The following SPRED2 variants were observed in gnomAD, a reference collection of about 807,000 sequenced individuals.
SPRED2 encodes sprouty-related, EVH1 domain-containing protein 2.
SPRED2 carries 47 observed loss-of-function variants against 43.0 expected under a neutral mutation model. The ratio of observed to expected loss-of-function variants is 1.09; its 90% CI spans 0.87 to 1.40. SPRED2 has a LOEUF of 1.40. Among genes scored for constraint, SPRED2 ranks in the 40% most tolerant of loss-of-function variants. SPRED2 has a pLI of 0.00. For missense variants in SPRED2, 561 were observed against 586.4 expected (o/e 0.96, Z 0.45); for synonymous variants, 225 against 225.7 (o/e 1.00, Z 0.03).
chr2:65,394,011 T>C (rs1210946550), intron 1 of SPRED2, among the ~76,000 whole-genome samples: 1 of 152,120 alleles, frequency 6.6e-6, no homozygotes, highest in African/African-American at 2.4e-5. Flanking sequence ...CAAAAAATGT[T>C]ATGAGGAGTA....
Position 65,431,946 on chromosome 2 carries a change from C to A in SPRED2, c.26+16G>T, listed in dbSNP as rs1247670327. On this transcript the variant is annotated intron_variant, in intron 1 of 5. Coordinates refer to ENST00000356388, the MANE Select transcript of SPRED2 (RefSeq NM_181784.3). ...CCCTGAGGGGCACCCTCGTCCCACC[C>A]CGCGACCAAACTTACTCGTCTGGGT... 1 of 1,613,926 alleles carries A rather than the reference C, an allele frequency of 6.2e-7. No individual in the cohort carries two copies. The highest frequency in any genetic ancestry group is 1.7e-5 in the Admixed American group (1 of 60,028).
At chr2:65,370,336 A>G (rs889044463) in intron 1 of SPRED2, among the ~76,000 whole-genome samples, 1 of 152,204 alleles carries the variant, frequency 6.6e-6, no homozygotes, top group Non-Finnish European at 1.5e-5. Flanking sequence ...AACGACAATG[A>G]TTATTAGTAA....
chr2:65,355,804 A>G (rs1476061550), intron 1 of SPRED2, among the ~76,000 whole-genome samples: 1 of 152,210 alleles, frequency 6.6e-6, no homozygotes, highest in Non-Finnish European at 1.5e-5. Context: ...TCTTAAAGCA[A>G]ACAAAATAAC....
chr2:65,387,278 C>T (rs1016662989), intron 1 of SPRED2, among the ~76,000 whole-genome samples: 6 of 152,176 alleles, frequency 3.9e-5, no homozygotes, highest in South Asian at 2.1e-4. Flanking sequence ...TCTGTACTGC[C>T]GCTCTCGCAC....
chr2:65,392,646 G>T (rs1675665315), intron 1 of SPRED2, among the ~76,000 whole-genome samples: 1 of 152,114 alleles, frequency 6.6e-6, no homozygotes. Context: ...AAATCACAAA[G>T]CCCATGGTAC....
intron 1 of SPRED2, among the ~76,000 whole-genome samples, chr2:65,376,083 C>CT: frequency 1.3e-5 from 2 of 152,278 alleles, no homozygotes; most frequent in East Asian, 3.9e-4. Context: ...CTTGTGCTCC[C>CT]TATCCTCCCA....
chr2:65,426,899 T>C (rs1360852434), intron 1 of SPRED2, among the ~76,000 whole-genome samples: 1 of 152,160 alleles, frequency 6.6e-6, no homozygotes, highest in Admixed American at 6.5e-5. Context: ...TTGCTAATAT[T>C]CCCATGGAAA....
intron 1 of SPRED2, among the ~76,000 whole-genome samples, chr2:65,353,348 T>A (rs1432340646): frequency 6.6e-6 from 1 of 152,226 alleles, no homozygotes; most frequent in East Asian, 1.9e-4. Flanking sequence ...GCTACCTAGC[T>A]ACACTGAAGC....
downstream of SPRED2, among the ~76,000 whole-genome samples, chr2:65,307,723 C>T (rs1672969428): frequency 6.6e-6 from 1 of 152,228 alleles, no homozygotes; most frequent in Non-Finnish European, 1.5e-5. Flanking sequence ...GCTGCTCCAG[C>T]TGAGGAGATG....
rs1668916695 is a variant in SPRED2 at position 65,432,538 on chromosome 2, CAGG to C, written c.-554_-552del. On this transcript the variant is annotated 5_prime_UTR_variant, in exon 1 of 6. Coordinates refer to ENST00000356388, the MANE Select transcript of SPRED2 (RefSeq NM_181784.3). Reference sequence around the variant, plus strand: ...CATATTGGATTCTCACCGCCGCCAACAGGAGGAGGAAGTAGGGCGGAAGCGATG... The same window carrying C: ...CATATTGGATTCTCACCGCCGCCAACAGGAGGAAGTAGGGCGGAAGCGATG... The C allele has an allele frequency of 6.6e-6, 1 of 152,256 alleles. No individual in the cohort carries two copies. The highest frequency in any genetic ancestry group is 6.6e-5 in the Admixed American group (1 of 15,256). The allele number at this position is 152,256 out of a possible 1,614,324, so 9.4% of individuals were successfully genotyped here.
chr2:65,311,040 G>T lies in SPRED2; in HGVS notation c.*2461C>A, dbSNP rs1673054929. 1 of 985,222 alleles carries T rather than the reference G, an allele frequency of 1.0e-6. No homozygotes were observed. The highest frequency in any genetic ancestry group is 1.7e-5 in the African/African-American group (1 of 57,206). 61.0% of individuals were successfully genotyped at this position (985,222 alleles called of 1,614,324 possible). ...ATACAACAGGGTTTTTAGTATACAG[G>T]TAAAGAATGAATTATGCTTCAGGCA... On this transcript the variant is annotated 3_prime_UTR_variant, in exon 6 of 6. Coordinates refer to ENST00000356388, the MANE Select transcript of SPRED2 (RefSeq NM_181784.3).
At chr2:65,413,565 T>C (rs1676209684) in intron 1 of SPRED2, among the ~76,000 whole-genome samples, 1 of 152,162 alleles carries the variant, frequency 6.6e-6, no homozygotes, top group Non-Finnish European at 1.5e-5. Context: ...GGGCAGTGGT[T>C]CCACAGAAGA....
At chr2:65,396,437 T>G (rs1489160525) in intron 1 of SPRED2, among the ~76,000 whole-genome samples, 1 of 152,244 alleles carries the variant, frequency 6.6e-6, no homozygotes, top group Non-Finnish European at 1.5e-5. Context: ...TACACTTGAC[T>G]GACAACATTT....
downstream of SPRED2, chr2:65,310,779 G>A (rs551939416): frequency 4.4e-3 from 3,390 of 774,002 alleles, 10 homozygotes; most frequent in Non-Finnish European, 5.0e-3. Flanking sequence ...TCCTGTATGC[G>A]GGAACTCCAA....
intron 1 of SPRED2, among the ~76,000 whole-genome samples, chr2:65,420,350 A>G (rs1558692388): frequency 1.3e-5 from 2 of 152,006 alleles, no homozygotes; most frequent in African/African-American, 2.4e-5. Context: ...TCGTATTTTT[A>G]GTACCCCTTT....
chr2:65,355,838 T>C (rs1211330158), intron 1 of SPRED2, among the ~76,000 whole-genome samples: 1 of 152,242 alleles, frequency 6.6e-6, no homozygotes, highest in Non-Finnish European at 1.5e-5. Flanking sequence ...ACGTTTCTTC[T>C]ACTTTTTATT....
chr2:65,394,667 C>G (rs1675713024), intron 1 of SPRED2, among the ~76,000 whole-genome samples: 1 of 152,134 alleles, frequency 6.6e-6, no homozygotes, highest in Admixed American at 6.5e-5. Flanking sequence ...AGTCCCAGGC[C>G]TCCTTGCTTT....
chr2:65,324,466 G>T (rs562963366), intron 4 of SPRED2, among the ~76,000 whole-genome samples: 4 of 152,156 alleles, frequency 2.6e-5, no homozygotes, highest in African/African-American at 9.7e-5. Flanking sequence ...ATGGAGAAAC[G>T]AGACTAACAG....
chr2:65,415,452 T>TA (rs57368286), intron 1 of SPRED2, among the ~76,000 whole-genome samples: 12 of 150,278 alleles, frequency 8.0e-5, no homozygotes, highest in East Asian at 2.0e-4. Flanking sequence ...AAAGTTTTGT[T>TA]AAAAAAAAAA....
Sources: gnomAD v4.1 joint callset for allele counts (sites outside exome capture counted in the v4.1 genomes callset) on GRCh38, gnomAD v4.1.1 for gene constraint, MANE v1.5 for transcripts, NCBI Gene and HGNC (gene_info 2026-07-23, HGNC 2026-07-21) for gene names.